The following COX15 variants were observed in gnomAD, a reference collection of about 807,000 sequenced individuals.
COX15 encodes the protein cytochrome c oxidase assembly factor COX15.
A neutral mutation model predicts 51.9 loss-of-function variants in COX15; 51 were observed. That is an observed-to-expected ratio of 0.98 (90% CI 0.78 to 1.24). COX15 has a LOEUF of 1.24. Among genes scored for constraint, COX15 ranks in the 50% most tolerant of loss-of-function variants. The pLI, the probability that COX15 is intolerant of heterozygous loss-of-function variation, is 0.00. For synonymous variants in COX15, 188 were observed against 190.5 expected, an observed-to-expected ratio of 0.99 and a Z score of 0.11; for missense variants, 420 against 501.1, an observed-to-expected ratio of 0.84 and a Z score of 1.55.
rs1220898219 is a variant in COX15, at chr10:99,713,522, G to A, written c.*1065C>T. Reference sequence around the variant, plus strand: ...AGACCAAAATCACATTAATTCAGCAGTCAACAATTTGTTTATCTGGGTAGA... The same window carrying A: ...AGACCAAAATCACATTAATTCAGCAATCAACAATTTGTTTATCTGGGTAGA... On this transcript the variant is annotated 3_prime_UTR_variant, in exon 9 of 9. Coordinates refer to ENST00000016171, the MANE Select transcript of COX15 (RefSeq NM_078470.6). 1 of 1,587,918 alleles carries A rather than the reference G, an allele frequency of 6.3e-7. No individual in the cohort carries two copies. Among genetic ancestry groups the A allele is most frequent in the African/African-American group, 1.3e-5 (1 of 74,278 alleles).
chr10:99,727,410 G>A, intron 3 of COX15, 31 bp downstream of exon 3: 2 of 1,610,290 alleles, frequency 1.2e-6, no homozygotes, highest in Non-Finnish European at 1.7e-6. Context: ...GGGCCTACTG[G>A]GATGTTTACC....
At chr10:99,710,836 A>G, downstream of COX15, 1 of 985,438 alleles carries the variant, frequency 1.0e-6, no homozygotes, top group Non-Finnish European at 1.2e-6. Context: ...TTGTCAGTCT[A>G]AGTTACAGAC....
At chr10:99,705,375 T>G in the COX15 span, 2 of 152,648 alleles carry the variant, frequency 1.3e-5, no homozygotes, top group Non-Finnish European at 2.9e-5. Context: ...ATGCCTGGTA[T>G]GATGAGGATA....
At chr10:99,720,777 G>T (rs183922292) in intron 6 of COX15, among the ~76,000 whole-genome samples, 2 of 144,768 alleles carry the variant, frequency 1.4e-5, no homozygotes, top group Admixed American at 1.4e-4. Flanking sequence ...CTGGATCTAG[G>T]TAGATGTTCA....
intron 7 of COX15, among the ~76,000 whole-genome samples, chr10:99,717,143 C>A (rs1254229424): frequency 1.3e-5 from 2 of 152,152 alleles, no homozygotes; most frequent in South Asian, 2.1e-4. Context: ...CTCAGCCCAG[C>A]CCCCGTTGGA....
At chr10:99,721,216 T>C in intron 5 of COX15, 148 bp from the exon 6 acceptor site, 1 of 690,800 alleles carries the variant, frequency 1.4e-6, no homozygotes, top group Non-Finnish European at 2.7e-6. Flanking sequence ...GCAGATATTC[T>C]GTTCCAACAT....
At chr10:99,709,101 T>C (rs1434464678), downstream of COX15, 16 of 981,614 alleles carry the variant, frequency 1.6e-5, no homozygotes, top group Non-Finnish European at 1.9e-5. Flanking sequence ...TAAAACAATT[T>C]TATACAATTT....
chr10:99,724,290 C>T (rs904371536), intron 4 of COX15, among the ~76,000 whole-genome samples, 167 bp from the exon 5 acceptor site: 1 of 152,162 alleles, frequency 6.6e-6, no homozygotes, highest in Non-Finnish European at 1.5e-5. Flanking sequence ...TCAAGTGATT[C>T]TCCTGCCTCA....
chr10:99,723,120 T>C (rs1055897025), intron 5 of COX15: 3 of 152,224 alleles, frequency 2.0e-5, no homozygotes, highest in African/African-American at 7.2e-5. Flanking sequence ...GGTCAACCCA[T>C]GATTTCAATA....
chr10:99,702,801 C>G, the COX15 span: 2 of 810,716 alleles, frequency 2.5e-6, no homozygotes, highest in Middle Eastern at 3.9e-4. Flanking sequence ...CTCTCTACCC[C>G]CTCACAAAAA....
rs777656755 is a variant in COX15, at chr10:99,724,048, G to A, written c.658C>T (p.Gln220Ter). Residue 220 changes from glutamine (Q) to a stop codon, truncating the protein, a stop_gained, in exon 5 of 9, where the codon CAG becomes TAG. Coordinates refer to ENST00000016171, the MANE Select transcript of COX15 (RefSeq NM_078470.6). LOFTEE classifies it high-confidence loss of function. Reference sequence around the variant, plus strand: ...CCCAGGTGGGCAGCAAGGCGGTACTGACTGACCCGAGGGATGTCATGGGAG... The same window carrying A: ...CCCAGGTGGGCAGCAAGGCGGTACTAACTGACCCGAGGGATGTCATGGGAG... ...SDSHDIPRVSQYRLAAHLGSA... is the reference protein window; with the variant it reads ...SDSHDIPRVS 1.2e-6 allele frequency: 2 copies of A among 1,614,142 alleles called. No homozygotes were observed. Among genetic ancestry groups the A allele is most frequent in the Non-Finnish European group, 8.5e-7 (1 of 1,180,034 alleles).
intron 4 of COX15, among the ~76,000 whole-genome samples, chr10:99,726,442 C>G (rs2036951916): frequency 6.6e-6 from 1 of 152,128 alleles, no homozygotes. Context: ...CTGTTATTAT[C>G]CCCATTTACA....
Position 99,724,022 on chromosome 10 carries a change from T to C in COX15, c.684A>G (p.Gly228=). ...VSQYRLAAHL[G]SALVLYCASL... ...TGGCACAATAAAGAACCAGGGCTGA[T>C]CCCAGGTGGGCAGCAAGGCGGTACT... is the stretch of plus-strand genomic sequence containing the variant. The change falls in exon 5 of 9, where the codon GGA becomes GGG. Residue 228 remains glycine (G), a synonymous_variant. Coordinates refer to ENST00000016171, the MANE Select transcript of COX15 (RefSeq NM_078470.6). 6.2e-7 allele frequency: 1 copy of C among 1,614,076 alleles called. No individual in the cohort carries two copies. The highest frequency in any genetic ancestry group is 8.5e-7 in the Non-Finnish European group (1 of 1,180,006).
chr10:99,721,006 C>T lies in COX15; in HGVS notation c.813G>A (p.Val271=), dbSNP rs769466771. The T allele has an allele frequency of 8.1e-6, 13 of 1,613,686 alleles. No individual in the cohort carries two copies. Among genetic ancestry groups the T allele is most frequent in the African/African-American group, 2.7e-5 (2 of 74,904 alleles). Residue 271 remains valine, a synonymous_variant, in exon 6 of 9, where the codon GTG becomes GTA. Transcript: ENST00000016171. ...RRFAHGTAGL[V]FLTALSGAFV... ...TCCTACCTGAGAGGGCCGTAAGGAA[C>T]ACCAGACCTGCTGTTCCATGAGCAA...
the COX15 span, among the ~76,000 whole-genome samples, chr10:99,694,780 A>G: frequency 3.3e-5 from 5 of 151,560 alleles, no homozygotes; most frequent in African/African-American, 1.2e-4. Context: ...CAAGTGATCC[A>G]CCCTCCTTGG....
chr10:99,703,324 G>A, the COX15 span, among the ~76,000 whole-genome samples: 11 of 152,138 alleles, frequency 7.2e-5, no homozygotes, highest in African/African-American at 2.7e-4. Context: ...ACTCAATACC[G>A]TCAGCAGCCA....
intron 4 of COX15, among the ~76,000 whole-genome samples, chr10:99,725,506 G>A (rs185559883): frequency 8.5e-4 from 129 of 152,136 alleles, no homozygotes; most frequent in Middle Eastern, 3.4e-3. Flanking sequence ...TTTGATTATT[G>A]TTTCTGCTGC....
chr10:99,710,652 AC>A, downstream of COX15: 1 of 985,404 alleles, frequency 1.0e-6, no homozygotes, highest in Non-Finnish European at 1.2e-6. Flanking sequence ...TTATGCAGGG[AC>A]ATGGGTATAT....
At chr10:99,695,994 G>A in the COX15 span, 1 of 1,614,020 alleles carries the variant, frequency 6.2e-7, no homozygotes, top group Non-Finnish European at 8.5e-7. Flanking sequence ...AGTTCAACCT[G>A]GGCTGTGATG....
Sources: allele counts gnomAD v4.1 joint callset (sites outside exome capture counted in the v4.1 genomes callset), GRCh38; gene constraint gnomAD v4.1.1; transcripts MANE v1.5; gene names NCBI Gene and HGNC (gene_info 2026-07-23, HGNC 2026-07-21).